ESF1: variants seen among roughly 807,000 people sequenced by gnomAD.
The protein encoded by ESF1 is ESF1 homolog.
In ESF1, 58 loss-of-function variants were observed where a neutral mutation model predicts 92.0. The ratio of observed to expected loss-of-function variants is 0.63; its 90% CI spans 0.51 to 0.78. The LOEUF (loss-of-function observed/expected upper bound fraction) is 0.78, where lower values mean the gene tolerates loss of function less well. Ranked by LOEUF, ESF1 falls within the 30% of genes least tolerant of loss-of-function variation. The probability of loss-of-function intolerance (pLI) is 0.00; values close to 1 mark genes in which losing one functional copy is unlikely to be tolerated. For missense variants in ESF1, 922 were observed against 989.1 expected (o/e 0.93, Z 0.91); for synonymous variants, 321 against 313.7 (o/e 1.02, Z -0.24).
Position 13,771,493 on chromosome 20 carries a change from G to GA in ESF1, c.1251-11dup. On this transcript the variant is annotated splice_polypyrimidine_tract_variant and intron_variant, in intron 5 of 13. Coordinates refer to ENST00000617257, the MANE Select transcript of ESF1 (RefSeq NM_001276380.2). ...TTTTTCTCTAGACGTCCTAAAGTGG[G>GA]AAAAACTTATTAAGCATACTTATAC... 6.2e-7 allele frequency: 1 copy of GA among 1,604,538 alleles called. No individual in the cohort carries two copies. Among genetic ancestry groups the GA allele is most frequent in the Non-Finnish European group, 8.5e-7 (1 of 1,175,358 alleles).
At chr20:13,769,401 C>T (rs766186083) in intron 7 of ESF1, among the ~76,000 whole-genome samples, 1 of 152,142 alleles carries the variant, frequency 6.6e-6, no homozygotes, top group African/African-American at 2.4e-5. Context: ...GGCTTAAATG[C>T]GTAACAAGAA....
At chr20:13,729,709 C>G (rs2049929026) in intron 10 of ESF1, among the ~76,000 whole-genome samples, 1 of 152,160 alleles carries the variant, frequency 6.6e-6, no homozygotes, top group African/African-American at 2.4e-5. Context: ...GTAATGAACC[C>G]TCTGTTCTCA....
intron 10 of ESF1, among the ~76,000 whole-genome samples, chr20:13,731,268 T>C (rs1021118161): frequency 6.6e-6 from 1 of 152,070 alleles, no homozygotes; most frequent in Non-Finnish European, 1.5e-5. Flanking sequence ...TTATTTCATT[T>C]ATAAGATATT....
chr20:13,745,914 T>A (rs1052819541), intron 9 of ESF1, among the ~76,000 whole-genome samples: 2 of 152,062 alleles, frequency 1.3e-5, no homozygotes, highest in African/African-American at 4.8e-5. Flanking sequence ...AACTGGGAAG[T>A]CACACAGAGG....
intron 9 of ESF1, among the ~76,000 whole-genome samples, chr20:13,755,921 G>A (rs1316351143): frequency 6.6e-6 from 1 of 152,136 alleles, no homozygotes; most frequent in African/African-American, 2.4e-5. Flanking sequence ...TAGTGATTAA[G>A]AGTACTTATT....
Position 13,775,868 on chromosome 20 carries a change from G to GT in ESF1, c.1035+4dup. ...ACAAATAATCTTGTTTATTCAAAAG[G>GT]TTACCTCATCAGCACGAGGAGCATC... On this transcript the variant is annotated splice_donor_region_variant and intron_variant, in intron 3 of 13. Coordinates refer to ENST00000617257, the MANE Select transcript of ESF1 (RefSeq NM_001276380.2). 1 of 1,589,900 alleles carries GT rather than the reference G, an allele frequency of 6.3e-7. No homozygotes were observed. The highest frequency in any genetic ancestry group is 8.6e-7 in the Non-Finnish European group (1 of 1,169,448).
intron 9 of ESF1, among the ~76,000 whole-genome samples, chr20:13,759,213 T>C (rs981889052): frequency 2.0e-5 from 3 of 152,234 alleles, no homozygotes; most frequent in Non-Finnish European, 2.9e-5. Flanking sequence ...TGATTTTAAT[T>C]AGTTTTGTAC....
At chr20:13,768,974 A>G (rs970302879) in intron 7 of ESF1, among the ~76,000 whole-genome samples, 1 of 151,984 alleles carries the variant, frequency 6.6e-6, no homozygotes, top group Non-Finnish European at 1.5e-5. Flanking sequence ...ATAGACAAAA[A>G]CCTTTTGGCT....
At chr20:13,755,726 T>C (rs1978863083) in intron 9 of ESF1, among the ~76,000 whole-genome samples, 1 of 152,208 alleles carries the variant, frequency 6.6e-6, no homozygotes, top group African/African-American at 2.4e-5. Context: ...AAAATATTGA[T>C]AGAAAGAGTA....
chr20:13,779,161 A>G (rs528832416), intron 2 of ESF1, among the ~76,000 whole-genome samples: 3 of 152,340 alleles, frequency 2.0e-5, no homozygotes, highest in African/African-American at 7.2e-5. Flanking sequence ...CCTAGACAGT[A>G]TTGCTCTAGT....
intron 8 of ESF1, among the ~76,000 whole-genome samples, chr20:13,762,354 T>G (rs543567048): frequency 6.6e-6 from 1 of 152,220 alleles, no homozygotes; most frequent in African/African-American, 2.4e-5. Context: ...AATTCTGTCA[T>G]GTATCCCGTA....
chr20:13,720,364 G>A (rs2049859699), intron 11 of ESF1, among the ~76,000 whole-genome samples: 1 of 152,042 alleles, frequency 6.6e-6, no homozygotes, highest in African/African-American at 2.4e-5. Flanking sequence ...CCCTCAGCAA[G>A]TCATCTTTGG....
chr20:13,715,177 C>CA lies in ESF1; in HGVS notation c.2263-11dup, dbSNP rs372853781. On this transcript the variant is annotated splice_polypyrimidine_tract_variant and intron_variant, in intron 13 of 13. Coordinates refer to ENST00000617257, the MANE Select transcript of ESF1 (RefSeq NM_001276380.2). ...CATCGTTAACATTTACCTGCAAATC[C>CA]AAAAAAAAAAAAAATTAATAAATTA... 0.16 allele frequency: 177,306 copies of CA among 1,110,670 alleles called. 1,132 individuals are homozygous for CA. The highest frequency in any genetic ancestry group is 0.17 in the Non-Finnish European group (145,363 of 839,058). The allele number at this position is 1,110,670 out of a possible 1,614,324, so 68.8% of individuals were successfully genotyped here.
rs564503957 is a variant in ESF1 at position 13,714,497 on chromosome 20, A to T, written c.*377T>A. 1.3e-5 allele frequency: 2 copies of T among 153,640 alleles called. No individual in the cohort carries two copies. Among genetic ancestry groups the T allele is most frequent in the Non-Finnish European group, 2.9e-5 (2 of 69,036 alleles). 9.5% of individuals were successfully genotyped at this position (153,640 alleles called of 1,614,324 possible). A position where few individuals can be genotyped will look rare whatever the true frequency, so the allele number is the denominator to read the frequency against. On this transcript the variant is annotated 3_prime_UTR_variant, in exon 14 of 14. Transcript: ENST00000617257. ...AGAAATTAATGTATTAAATATATAT[A>T]TTTTTCAAATTATCCCTAACATTTA...
At chr20:13,717,261 C>T (rs138135793) in intron 13 of ESF1, 107 bp downstream of exon 13, 1 of 1,388,212 alleles carries the variant, frequency 7.2e-7, no homozygotes, top group African/African-American at 1.4e-5. Flanking sequence ...CACCGGGCCC[C>T]TAAGACATTT....
At chr20:13,784,467 C>G (rs1600302428) in intron 1 of ESF1, among the ~76,000 whole-genome samples, 1 of 152,172 alleles carries the variant, frequency 6.6e-6, no homozygotes, top group East Asian at 1.9e-4. Context: ...AGGAGAAGTA[C>G]TGCATGTATT....
intron 10 of ESF1, among the ~76,000 whole-genome samples, chr20:13,730,353 C>A (rs929815308): frequency 1.3e-5 from 2 of 149,420 alleles, no homozygotes; most frequent in African/African-American, 4.9e-5. Context: ...GGATTACAGG[C>A]GTGAACCAAC....
rs756548043 is a variant in ESF1, at chr20:13,776,071, ATCC to A, written c.834_836del (p.Glu278del). On this transcript the variant is annotated inframe_deletion, in exon 3 of 14. Coordinates refer to ENST00000617257, the MANE Select transcript of ESF1 (RefSeq NM_001276380.2). ...CATCTTCATCCTCCTCTTCATCTTCATCCTCCTCTTCATCATCTTCACTTCCAT... is the reference window on the plus strand; with the variant it reads ...CATCTTCATCCTCCTCTTCATCTTCATCCTCTTCATCATCTTCACTTCCAT... 6.2e-6 allele frequency: 10 copies of A among 1,613,140 alleles called. No individual in the cohort carries two copies. The highest frequency in any genetic ancestry group is 1.7e-4 in the Middle Eastern group (1 of 6,060).
In ESF1 at chr20:13,723,845, G is replaced by A. The variant is rs1038739465; in HGVS notation, c.2038+4533C>T. ...ATTATATCTTAAATATTTTTGAAAA[G>A]CAAGGTCTATATCCTTAGATAATGA... On this transcript the variant is annotated intron_variant, in intron 11 of 13. Transcript: ENST00000617257. 2.8e-4 allele frequency among the ~76,000 whole-genome samples: 42 copies of A among 152,160 alleles called. 1 individual carries two copies. The highest frequency in any genetic ancestry group is 1.3e-3 in the Admixed American group (20 of 15,262).
Sources: allele counts gnomAD v4.1 joint callset (sites outside exome capture counted in the v4.1 genomes callset), GRCh38; gene constraint gnomAD v4.1.1; transcripts MANE v1.5; gene names NCBI Gene and HGNC (gene_info 2026-07-23, HGNC 2026-07-21).